SAMD4A: variants seen among roughly 807,000 people sequenced by gnomAD.
The protein encoded by SAMD4A is sterile alpha motif domain containing 4A, also known as protein Smaug homolog 1.
Under a neutral mutation model 81.3 loss-of-function variants are expected in SAMD4A, and 33 were observed. The ratio of observed to expected loss-of-function variants is 0.41; its 90% confidence interval spans 0.31 to 0.54. The LOEUF (loss-of-function observed/expected upper bound fraction) is 0.54, where lower values mean the gene tolerates loss of function less well. Among genes scored for constraint, SAMD4A ranks in the 20% least tolerant of loss-of-function variants. SAMD4A has a pLI of 0.37. For missense variants in SAMD4A, 854 were observed against 951.1 expected (o/e 0.90, Z 1.34); for synonymous variants, 389 against 382.1 (o/e 1.02, Z -0.21).
At chr14:54,627,082 C>T (rs762773796) in intron 2 of SAMD4A, among the ~76,000 whole-genome samples, 2 of 152,080 alleles carry the variant, frequency 1.3e-5, no homozygotes, top group East Asian at 1.9e-4. Flanking sequence ...CTTAAAAATT[C>T]GGAAAAATTA....
chr14:54,790,235 C>G lies in SAMD4A; in HGVS notation c.*1291C>G, dbSNP rs2039236193. On this transcript the variant is annotated 3_prime_UTR_variant, in exon 13 of 13. Transcript: ENST00000554335. ...GCCCAGCAACAGCGTACAGAGGGGTCAGTCAGCAAGTCCAGAGAGCACATG... is the reference window on the plus strand; with the variant it reads ...GCCCAGCAACAGCGTACAGAGGGGTGAGTCAGCAAGTCCAGAGAGCACATG... 6.6e-6 allele frequency: 1 copy of G among 152,392 alleles called. No individual in the cohort carries two copies. Among genetic ancestry groups the G allele is most frequent in the South Asian group, 2.1e-4 (1 of 4,826 alleles). 9.4% of individuals were successfully genotyped at this position (152,392 alleles called of 1,614,324 possible).
chr14:54,702,740 T>C, intron 3 of SAMD4A, 160 bp downstream of exon 3: 1 of 829,392 alleles, frequency 1.2e-6, no homozygotes, highest in South Asian at 1.8e-5. Context: ...CCCATATTTG[T>C]TGCTCTTTGA....
chr14:54,590,783 C>G (rs1433539988), intron 2 of SAMD4A, among the ~76,000 whole-genome samples: 1 of 152,164 alleles, frequency 6.6e-6, no homozygotes, highest in Non-Finnish European at 1.5e-5. Flanking sequence ...TGCTTTCCAG[C>G]ACCTAGCTTT....
intron 2 of SAMD4A, among the ~76,000 whole-genome samples, chr14:54,627,036 T>C (rs2034780417): frequency 1.3e-5 from 2 of 152,244 alleles, no homozygotes. Context: ...TTCATCCATA[T>C]AATCTTATTC....
intron 2 of SAMD4A, among the ~76,000 whole-genome samples, chr14:54,683,890 A>G (rs1348332427): frequency 6.6e-6 from 1 of 152,208 alleles, no homozygotes; most frequent in Non-Finnish European, 1.5e-5. Context: ...GACTCACAGG[A>G]AAGGGAGTTT....
At chr14:54,650,584 A>C (rs1020285794) in intron 2 of SAMD4A, among the ~76,000 whole-genome samples, 2 of 152,170 alleles carry the variant, frequency 1.3e-5, no homozygotes, top group African/African-American at 4.8e-5. Context: ...TTTCTCCAGA[A>C]AACACTGGTT....
chr14:54,677,565 T>A lies in SAMD4A; in HGVS notation c.197-24497T>A, dbSNP rs754466060. On this transcript the variant is annotated intron_variant, in intron 2 of 12. Coordinates refer to ENST00000554335, the MANE Select transcript of SAMD4A (RefSeq NM_015589.6). ...TTCAGAGGCTTTGTAATGGAAATCG[T>A]AGTTCCAAGCTACGGTTCTTACCAA... Among the ~76,000 whole-genome samples, 180 of 152,184 alleles carry A rather than the reference T, an allele frequency of 1.2e-3. 1 individual carries two copies. Among genetic ancestry groups the A allele is most frequent in the Non-Finnish European group, 1.2e-3 (82 of 68,038 alleles).
chr14:54,757,297 G>C (rs2038264321), intron 6 of SAMD4A, among the ~76,000 whole-genome samples: 1 of 151,966 alleles, frequency 6.6e-6, no homozygotes, highest in Admixed American at 6.6e-5. Flanking sequence ...ATGTCTATGA[G>C]GGGAAAAAAA....
intron 3 of SAMD4A, among the ~76,000 whole-genome samples, chr14:54,707,955 T>C (rs932088412): frequency 6.6e-6 from 1 of 152,212 alleles, no homozygotes; most frequent in East Asian, 1.9e-4. Flanking sequence ...TTGCAAGGAC[T>C]TGGACTTTTG....
intron 2 of SAMD4A, among the ~76,000 whole-genome samples, chr14:54,592,277 C>A (rs1202942719): frequency 6.6e-6 from 1 of 152,126 alleles, no homozygotes; most frequent in South Asian, 2.1e-4. Flanking sequence ...AGCTCCTTTC[C>A]TGTGGTAAAC....
At chr14:54,743,084 C>A (rs1022538263) in intron 4 of SAMD4A, among the ~76,000 whole-genome samples, 1 of 152,108 alleles carries the variant, frequency 6.6e-6, no homozygotes, top group Non-Finnish European at 1.5e-5. Context: ...GAAAAAGGAA[C>A]CTGTCAGAAA....
rs1485960020 is a variant in SAMD4A at position 54,760,404 on chromosome 14, C to T, written c.1420C>T (p.His474Tyr). The T allele has an allele frequency of 6.7e-7, 1 of 1,481,694 alleles. No individual in the cohort carries two copies. The highest frequency in any genetic ancestry group is 2.7e-5 in the Admixed American group (1 of 37,454). 91.8% of individuals were successfully genotyped at this position (1,481,694 alleles called of 1,614,324 possible). A position where few individuals can be genotyped will look rare whatever the true frequency, so the allele number is the denominator to read the frequency against. ...CGGGGCCAGCGGGGGGCTCCAGCCG[C>T]ACCAGCTGAGCAGCTGCGATGGGGA... ...SAGASGGLQP[H>Y]QLSSCDGELA... The change falls in exon 7 of 13, where the codon CAC becomes TAC. Residue 474 changes from histidine (H) to tyrosine (Y), a missense_variant. Around this residue, in one of 3 missense-constraint regions of SAMD4A, gnomAD observed 428 missense variants for 471.2 expected, o/e 0.91. Coordinates refer to ENST00000554335, the MANE Select transcript of SAMD4A (RefSeq NM_015589.6).
intron 6 of SAMD4A, among the ~76,000 whole-genome samples, chr14:54,752,684 C>T (rs1486253435): frequency 6.6e-6 from 1 of 152,166 alleles, no homozygotes; most frequent in Non-Finnish European, 1.5e-5. Context: ...AAATAAGACA[C>T]AGAGACAAAG....
intron 3 of SAMD4A, among the ~76,000 whole-genome samples, chr14:54,735,983 G>T (rs1788244784): frequency 6.6e-6 from 1 of 152,222 alleles, no homozygotes; most frequent in Non-Finnish European, 1.5e-5. Flanking sequence ...TCAATTCCGT[G>T]TTAGTACAGC....
intron 3 of SAMD4A, among the ~76,000 whole-genome samples, chr14:54,729,811 G>T (rs2037513472): frequency 6.6e-6 from 1 of 152,148 alleles, no homozygotes; most frequent in African/African-American, 2.4e-5. Context: ...TGGAATGAGA[G>T]GATTGAGGTA....
intron 2 of SAMD4A, among the ~76,000 whole-genome samples, chr14:54,631,245 A>G (rs554705077): frequency 6.6e-6 from 1 of 152,212 alleles, no homozygotes; most frequent in Non-Finnish European, 1.5e-5. Context: ...TATGGATGGC[A>G]CCCTGCTTTA....
rs371065001 is a variant in SAMD4A, at chr14:54,760,436, C to T, written c.1452C>T (p.Ala484=). Residue 484 remains alanine, a synonymous_variant, in exon 7 of 13, where the codon GCC becomes GCT. Transcript: ENST00000554335. The part of the protein sequence containing the change: ...HQLSSCDGEL[A]VAPLPEGDLP... ...TGAGCAGCTGCGATGGGGAGCTGGC[C>T]GTCGCCCCCCTGCCAGAGGGGGACC... is the stretch of plus-strand genomic sequence containing the variant. 4.6e-5 allele frequency: 66 copies of T among 1,429,310 alleles called. No individual in the cohort carries two copies. The highest frequency in any genetic ancestry group is 2.9e-4 in the South Asian group (19 of 65,930). The allele number at this position is 1,429,310 out of a possible 1,614,324, so 88.5% of individuals were successfully genotyped here. A position where few individuals can be genotyped will look rare whatever the true frequency, so the allele number is the denominator to read the frequency against.
In SAMD4A at chr14:54,593,504, A is replaced by G. The variant is rs887295139; in HGVS notation, c.196+25392A>G. Among the ~76,000 whole-genome samples the G allele has an allele frequency of 2.6e-5, 4 of 152,336 alleles. No individual in the cohort carries two copies. In the South Asian group the frequency reaches 8.3e-4, roughly 32 times the overall value. Reference sequence around the variant, plus strand: ...TGAAAACTGGCAATGTAAGAAGATGATATTTACTTTCTAGGTGATTTAGGG... The same window carrying G: ...TGAAAACTGGCAATGTAAGAAGATGGTATTTACTTTCTAGGTGATTTAGGG... On this transcript the variant is annotated intron_variant, in intron 2 of 12. Transcript: ENST00000554335.
At chr14:54,724,016 G>GGAAGGAAGGAAGGAA (rs1555347555) in intron 3 of SAMD4A, among the ~76,000 whole-genome samples, 13 of 145,764 alleles carry the variant, frequency 8.9e-5, no homozygotes, top group Middle Eastern at 3.6e-3. Context: ...ATGGAAGGAA[G>GGAAGGAAGGAAGGAA]GAAGGAAGGA....
Sources: gnomAD v4.1 joint callset for allele counts (sites outside exome capture counted in the v4.1 genomes callset) on GRCh38, gnomAD v4.1.1 for gene constraint, gnomAD v4.1.1 regional missense constraint, MANE v1.5 for transcripts, NCBI Gene and HGNC (gene_info 2026-07-23, HGNC 2026-07-21) for gene names.